FSD1L: variants seen among roughly 807,000 people sequenced by gnomAD.
FSD1L encodes fibronectin type III and SPRY domain containing 1 like.
FSD1L carries 45 observed loss-of-function variants against 71.6 expected under a neutral mutation model. The ratio of observed to expected loss-of-function variants is 0.63; its 90% CI spans 0.49 to 0.81. The LOEUF (loss-of-function observed/expected upper bound fraction) is 0.81, where lower values mean the gene tolerates loss of function less well. Among genes scored for constraint, FSD1L ranks in the 30% least tolerant of loss-of-function variants. The probability of loss-of-function intolerance (pLI) is 0.00; values close to 1 mark genes in which losing one functional copy is unlikely to be tolerated. For synonymous variants in FSD1L, 197 were observed against 207.2 expected, an observed-to-expected ratio of 0.95 and a Z score of 0.42; for missense variants, 561 against 618.1, an observed-to-expected ratio of 0.91 and a Z score of 0.98.
chr9:105,449,644 T>C (rs1829865923), intron 1 of FSD1L, among the ~76,000 whole-genome samples: 3 of 152,232 alleles, frequency 2.0e-5, no homozygotes, highest in Admixed American at 2.0e-4. Context: ...GATAAAATAG[T>C]TTGTTCTGAA....
intron 7 of FSD1L, among the ~76,000 whole-genome samples, chr9:105,503,990 A>G (rs1021454850): frequency 4.6e-5 from 7 of 152,238 alleles, no homozygotes; most frequent in African/African-American, 1.7e-4. Context: ...CTAGAATGGC[A>G]GCTGAATTGA....
At chr9:105,481,501 G>C (rs1273355578) in intron 6 of FSD1L, among the ~76,000 whole-genome samples, 1 of 151,812 alleles carries the variant, frequency 6.6e-6, no homozygotes. Context: ...ATGTTGGCCA[G>C]GCTCGTCTCG....
At chr9:105,520,377 T>C in intron 10 of FSD1L, 1 of 1,202,856 alleles carries the variant, frequency 8.3e-7, no homozygotes, top group Non-Finnish European at 1.2e-6. Flanking sequence ...GCAGAATCTA[T>C]TGATCTTAAA....
upstream of FSD1L, among the ~76,000 whole-genome samples, chr9:105,446,458 G>A (rs1829649947): frequency 6.6e-6 from 1 of 152,086 alleles, no homozygotes; most frequent in Admixed American, 6.5e-5. Flanking sequence ...TCTGCCTCCA[G>A]GACTCAAGTG....
Position 105,448,070 on chromosome 9 carries a change from C to G in FSD1L, c.-151C>G, listed in dbSNP as rs1266224687. On this transcript the variant is annotated 5_prime_UTR_variant, in exon 1 of 14. Transcript: ENST00000481272. ...GCAACCGCGGCGTGACTACGGCGCG[C>G]GCGGTCTGGGCGCGGACGGGTGGGG... The G allele has an allele frequency of 3.5e-6, 3 of 848,234 alleles. No homozygotes were observed. The highest frequency in any genetic ancestry group is 4.8e-5 in the Admixed American group (2 of 41,744). 52.5% of individuals were successfully genotyped at this position (848,234 alleles called of 1,614,324 possible).
At chr9:105,484,342 A>T in intron 6 of FSD1L, 39 bp from the exon 7 acceptor site, 1 of 1,399,742 alleles carries the variant, frequency 7.1e-7, no homozygotes, top group Non-Finnish European at 9.4e-7. Flanking sequence ...GATACTTCCT[A>T]TTTCTTTATT....
intron 9 of FSD1L, among the ~76,000 whole-genome samples, chr9:105,509,125 A>G (rs1302777508): frequency 6.6e-6 from 1 of 152,188 alleles, no homozygotes; most frequent in African/African-American, 2.4e-5. Flanking sequence ...GTTAACGTTT[A>G]TATAGTTTAT....
chr9:105,455,047 A>T (rs751854962), intron 1 of FSD1L, among the ~76,000 whole-genome samples: 5 of 152,108 alleles, frequency 3.3e-5, no homozygotes, highest in Non-Finnish European at 7.3e-5. Context: ...AACTGGTGAG[A>T]TTCTGATTAT....
intron 10 of FSD1L, among the ~76,000 whole-genome samples, chr9:105,514,624 T>A (rs1834592883): frequency 6.6e-6 from 1 of 152,140 alleles, no homozygotes; most frequent in Non-Finnish European, 1.5e-5. Context: ...TTGAGGTGGT[T>A]AGGTAGGATA....
At chr9:105,527,968 T>A (rs1253826419) in intron 10 of FSD1L, among the ~76,000 whole-genome samples, 1 of 152,102 alleles carries the variant, frequency 6.6e-6, no homozygotes. Context: ...AAAATCAATA[T>A]GCAAAAATCA....
chr9:105,543,428 ATT>A (rs1166196931), intron 13 of FSD1L, among the ~76,000 whole-genome samples: 1 of 151,890 alleles, frequency 6.6e-6, no homozygotes, highest in Non-Finnish European at 1.5e-5. Flanking sequence ...ATTTTATTTT[ATT>A]TTTTGTTTTT....
chr9:105,524,350 T>G (rs1835370018), intron 10 of FSD1L: 5 of 1,613,912 alleles, frequency 3.1e-6, no homozygotes, highest in Non-Finnish European at 4.2e-6. Flanking sequence ...CAGATCCTAA[T>G]AGCTACCATC....
intron 10 of FSD1L, among the ~76,000 whole-genome samples, chr9:105,515,058 G>A (rs762512098): frequency 1.2e-4 from 18 of 152,158 alleles, no homozygotes; most frequent in Non-Finnish European, 2.1e-4. Context: ...TTGCAGATAC[G>A]GTATATGATC....
intron 12 of FSD1L, 150 bp from the exon 13 acceptor site, chr9:105,539,113 G>T: frequency 1.9e-6 from 1 of 537,352 alleles, no homozygotes; most frequent in Non-Finnish European, 3.2e-6. Flanking sequence ...TTGTCCTTCT[G>T]ATTTTCAAGT....
At chr9:105,484,019 A>C (rs1214384212) in intron 6 of FSD1L, among the ~76,000 whole-genome samples, 1 of 152,172 alleles carries the variant, frequency 6.6e-6, no homozygotes, top group Non-Finnish European at 1.5e-5. Flanking sequence ...GCATATGAAA[A>C]GGAGTAAGGC....
chr9:105,498,190 T>TTTATTTTTA (rs1554708759), intron 7 of FSD1L, among the ~76,000 whole-genome samples: 1 of 143,412 alleles, frequency 7.0e-6, no homozygotes, highest in African/African-American at 2.6e-5. Flanking sequence ...TTGCTTTGGC[T>TTTATTTTTA]TTATTATTAT....
At position 105,547,869 on chromosome 9, in the gene FSD1L, C is replaced by T. The variant is rs1304655484; in HGVS notation, c.*1386C>T. The T allele has an allele frequency of 6.6e-6, 1 of 151,828 alleles. No individual in the cohort carries two copies. Among genetic ancestry groups the T allele is most frequent in the African/African-American group, 2.4e-5 (1 of 41,370 alleles). 9.4% of individuals were successfully genotyped at this position (151,828 alleles called of 1,614,324 possible). On this transcript the variant is annotated 3_prime_UTR_variant, in exon 14 of 14. Transcript: ENST00000481272. ...ACATTTGTTGACTTTTTTTCATTCT[C>T]ATTTAAAATATATTGTGCTATGATA...
intron 13 of FSD1L, among the ~76,000 whole-genome samples, chr9:105,540,113 AT>A (rs1429651015): frequency 6.6e-6 from 1 of 152,122 alleles, no homozygotes; most frequent in Non-Finnish European, 1.5e-5. Flanking sequence ...GTATGTAAGA[AT>A]TTGAGTTCCT....
upstream of FSD1L, chr9:105,447,718 C>G (rs1829704496): frequency 1.1e-5 from 2 of 180,140 alleles, no homozygotes; most frequent in South Asian, 1.1e-4. Context: ...GGCTGCCCCT[C>G]GAAGGATAGT....
Sources: allele counts gnomAD v4.1 joint callset (sites outside exome capture counted in the v4.1 genomes callset), GRCh38; gene constraint gnomAD v4.1.1; transcripts MANE v1.5; gene names NCBI Gene and HGNC (gene_info 2026-07-23, HGNC 2026-07-21).